The following PLCH1 variants were observed in gnomAD, a reference collection of about 807,000 sequenced individuals.
PLCH1 encodes phospholipase C eta 1, also known as 1-phosphatidylinositol 4,5-bisphosphate phosphodiesterase eta-1.
PLCH1 carries 60 observed loss-of-function variants against 126.7 expected under a neutral mutation model. The observed-to-expected ratio is 0.47, with a 90% CI of 0.38 to 0.59. The LOEUF (loss-of-function observed/expected upper bound fraction) is 0.59, where lower values mean the gene tolerates loss of function less well. PLCH1 is among the 20% of genes least tolerant of loss of function. The pLI is 0.00. For synonymous variants in PLCH1, 719 were observed against 734.9 expected, an observed-to-expected ratio of 0.98 and a Z score of 0.35; for missense variants, 1,723 against 2,040.0, an observed-to-expected ratio of 0.84 and a Z score of 2.99.
intron 2 of PLCH1, among the ~76,000 whole-genome samples, chr3:155,598,968 A>C (rs1388054138): frequency 6.6e-6 from 1 of 150,596 alleles, no homozygotes; most frequent in African/African-American, 2.4e-5. Context: ...GTGGGGCCCC[A>C]TGATCTCTCT....
intron 21 of PLCH1, among the ~76,000 whole-genome samples, chr3:155,452,481 G>T (rs892119850): frequency 6.6e-5 from 10 of 152,112 alleles, no homozygotes; most frequent in Non-Finnish European, 1.3e-4. Flanking sequence ...TGGTTCTGGG[G>T]CTTCTAGAAT....
chr3:155,735,543 A>T (rs1749113467), intron 1 of PLCH1, among the ~76,000 whole-genome samples: 1 of 151,794 alleles, frequency 6.6e-6, no homozygotes, highest in Admixed American at 6.6e-5. Context: ...CTGAGGCAGG[A>T]GAATCGCTTG....
At position 155,675,966 on chromosome 3, in the gene PLCH1, C is replaced by G. The variant is rs964431198; in HGVS notation, c.79+28180G>C. On this transcript the variant is annotated intron_variant, in intron 2 of 22. Transcript: ENST00000460012. ...ACCATCTTTTACTAGGACTATTACACTTACCTTAAAATTAGTAGTATGAGT... is the reference window on the plus strand; with the variant it reads ...ACCATCTTTTACTAGGACTATTACAGTTACCTTAAAATTAGTAGTATGAGT... 9 of 1,234,954 alleles carry G rather than the reference C, an allele frequency of 7.3e-6. No individual in the cohort carries two copies. The East Asian group carries it at 1.0e-4, about 14-fold the overall frequency. 76.5% of individuals were successfully genotyped at this position (1,234,954 alleles called of 1,614,324 possible). A position where few individuals can be genotyped will look rare whatever the true frequency, so the allele number is the denominator to read the frequency against.
In PLCH1 at chr3:155,488,014, AT is replaced by A; in HGVS notation, c.2619+13del. 1 of 1,442,872 alleles carries A rather than the reference AT, an allele frequency of 6.9e-7. No individual in the cohort carries two copies. The highest frequency in any genetic ancestry group is 9.8e-7 in the Non-Finnish European group (1 of 1,023,850). The allele number at this position is 1,442,872 out of a possible 1,614,324, so 89.4% of individuals were successfully genotyped here. Reference sequence around the variant, plus strand: ...ATTAATGTATATGACTTTAAATCCTATGATCTTTCTCACCTTTCCATAGATT... The same window carrying A: ...ATTAATGTATATGACTTTAAATCCTAGATCTTTCTCACCTTTCCATAGATT... On this transcript the variant is annotated intron_variant, in intron 21 of 22. Transcript: ENST00000460012.
chr3:155,743,208 G>A (rs1295648907), intron 1 of PLCH1: 1 of 451,554 alleles, frequency 2.2e-6, no homozygotes, highest in Non-Finnish European at 4.4e-6. Flanking sequence ...GGATAGGGCT[G>A]TCAAGATTCA....
At chr3:155,721,843 T>TTC (rs1747967167) in intron 1 of PLCH1, among the ~76,000 whole-genome samples, 1 of 151,660 alleles carries the variant, frequency 6.6e-6, no homozygotes. Flanking sequence ...AAGTCGGGAG[T>TTC]TCAAGACCAG....
intron 1 of PLCH1, among the ~76,000 whole-genome samples, chr3:155,720,833 T>C (rs1169262790): frequency 6.6e-6 from 1 of 152,238 alleles, no homozygotes; most frequent in Non-Finnish European, 1.5e-5. Context: ...AATGTTATCT[T>C]CCAGAATTTG....
chr3:155,696,363 A>G (rs1745801679), intron 2 of PLCH1, among the ~76,000 whole-genome samples: 1 of 152,160 alleles, frequency 6.6e-6, no homozygotes, highest in South Asian at 2.1e-4. Flanking sequence ...TTTCATGATT[A>G]CAAACACAAT....
At chr3:155,740,241 T>G (rs1749516792) in intron 1 of PLCH1, among the ~76,000 whole-genome samples, 2 of 151,878 alleles carry the variant, frequency 1.3e-5, no homozygotes, top group African/African-American at 4.8e-5. Context: ...CAAAACCCCA[T>G]CTCTACTAAA....
chr3:155,670,449 A>T (rs1743294246), intron 2 of PLCH1, among the ~76,000 whole-genome samples: 1 of 152,200 alleles, frequency 6.6e-6, no homozygotes, highest in South Asian at 2.1e-4. Flanking sequence ...TGTAACACAC[A>T]TATGCAACCA....
chr3:155,734,853 C>T (rs1025269897), intron 1 of PLCH1, among the ~76,000 whole-genome samples: 6 of 152,022 alleles, frequency 3.9e-5, no homozygotes, highest in African/African-American at 1.4e-4. Context: ...GGACTACAGG[C>T]ACCCGCCACC....
chr3:155,512,196 C>T (rs1022940161), intron 12 of PLCH1, among the ~76,000 whole-genome samples: 2 of 152,072 alleles, frequency 1.3e-5, no homozygotes, highest in Non-Finnish European at 2.9e-5. Flanking sequence ...GGCAATGCCT[C>T]GCCCTCCCAT....
downstream of PLCH1, among the ~76,000 whole-genome samples, chr3:155,479,276 A>C (rs1422450255): frequency 6.6e-6 from 1 of 152,148 alleles, no homozygotes; most frequent in Non-Finnish European, 1.5e-5. Flanking sequence ...GAATTAGGAG[A>C]TTCAGAACTC....
At chr3:155,690,796 C>T (rs1745322637) in intron 2 of PLCH1, among the ~76,000 whole-genome samples, 2 of 152,198 alleles carry the variant, frequency 1.3e-5, no homozygotes, top group African/African-American at 4.8e-5. Context: ...AGGACTAATA[C>T]CCAAGCCCGG....
chr3:155,493,649 G>A (rs1716586382), intron 17 of PLCH1, among the ~76,000 whole-genome samples: 1 of 152,166 alleles, frequency 6.6e-6, no homozygotes, highest in African/African-American at 2.4e-5. Flanking sequence ...ACCTCACAAA[G>A]TGCTGGAATT....
chr3:155,744,528 CA>C (rs1165418914), intron 1 of PLCH1, among the ~76,000 whole-genome samples: 1 of 152,178 alleles, frequency 6.6e-6, no homozygotes, highest in Non-Finnish European at 1.5e-5. Flanking sequence ...CTGGACCTTC[CA>C]CCGGGCGAAA....
intron 11 of PLCH1, among the ~76,000 whole-genome samples, chr3:155,523,493 A>G (rs1183966344): frequency 6.8e-6 from 1 of 146,092 alleles, no homozygotes; most frequent in Non-Finnish European, 1.5e-5. Context: ...GTCCACGTGC[A>G]GGTGGGGTTC....
At chr3:155,578,203 T>C (rs559309831) in intron 6 of PLCH1, among the ~76,000 whole-genome samples, 12 of 152,324 alleles carry the variant, frequency 7.9e-5, no homozygotes, top group Admixed American at 2.6e-4. Flanking sequence ...AGGGAAAATA[T>C]AGACATTTCT....
intron 1 of PLCH1, among the ~76,000 whole-genome samples, chr3:155,726,476 C>T (rs1481655667): frequency 6.6e-6 from 1 of 152,116 alleles, no homozygotes; most frequent in East Asian, 1.9e-4. Flanking sequence ...TTAAGATCCT[C>T]TCTTTATCTT....
Sources: allele counts gnomAD v4.1 joint callset (sites outside exome capture counted in the v4.1 genomes callset), GRCh38; gene constraint gnomAD v4.1.1; transcripts MANE v1.5; gene names NCBI Gene and HGNC (gene_info 2026-07-23, HGNC 2026-07-21).